Variants in ZNF804A observed in about 807,000 individuals in gnomAD.
ZNF804A encodes zinc finger protein 804A.
In ZNF804A, 2 loss-of-function variants were observed where a neutral mutation model predicts 16.5. The observed-to-expected ratio is 0.12, with a 90% CI of 0.05 to 0.38. ZNF804A has a LOEUF of 0.38. Ranked by LOEUF, ZNF804A falls within the 10% of genes least tolerant of loss-of-function variation. The probability of loss-of-function intolerance (pLI) is 0.99; values close to 1 mark genes in which losing one functional copy is unlikely to be tolerated. For missense variants in ZNF804A, 1,473 were observed against 1,390.7 expected (o/e 1.06, Z -0.94); for synonymous variants, 534 against 489.6 (o/e 1.09, Z -1.20).
chr2:184,915,071 T>C (rs986549427), intron 2 of ZNF804A, among the ~76,000 whole-genome samples: 1 of 151,876 alleles, frequency 6.6e-6, no homozygotes, highest in Non-Finnish European at 1.5e-5. Context: ...TATTTCAAAT[T>C]TAAATTTAAG....
At chr2:184,844,946 T>C (rs1308562862) in intron 1 of ZNF804A, among the ~76,000 whole-genome samples, 1 of 152,034 alleles carries the variant, frequency 6.6e-6, no homozygotes, top group Non-Finnish European at 1.5e-5. Flanking sequence ...CCTTCCTTTT[T>C]AGTTTTTCTT....
chr2:184,896,665 C>G (rs1345282540), intron 2 of ZNF804A, among the ~76,000 whole-genome samples: 1 of 152,068 alleles, frequency 6.6e-6, no homozygotes, highest in Non-Finnish European at 1.5e-5. Context: ...CACCATTGGT[C>G]AATATGGCAG....
chr2:184,609,612 G>A (rs1691205555), intron 1 of ZNF804A, among the ~76,000 whole-genome samples: 1 of 152,194 alleles, frequency 6.6e-6, no homozygotes, highest in Admixed American at 6.5e-5. Context: ...ATCTGGCGAG[G>A]ACCTGCTTCC....
At chr2:184,752,311 A>G (rs376301256) in intron 1 of ZNF804A, among the ~76,000 whole-genome samples, 1 of 151,716 alleles carries the variant, frequency 6.6e-6, no homozygotes, top group Admixed American at 6.6e-5. Flanking sequence ...AAAAATAATA[A>G]AATTATGTTC....
intron 1 of ZNF804A, among the ~76,000 whole-genome samples, chr2:184,725,867 T>C (rs1014136642): frequency 6.6e-6 from 1 of 151,690 alleles, no homozygotes; most frequent in African/African-American, 2.4e-5. Flanking sequence ...AATTTGTTAT[T>C]CCAAGAAATC....
At chr2:184,600,911 TA>T (rs1221246748) in intron 1 of ZNF804A, among the ~76,000 whole-genome samples, 6 of 152,274 alleles carry the variant, frequency 3.9e-5, no homozygotes, top group African/African-American at 1.4e-4. Context: ...AATTGGGTTC[TA>T]AAAAACAGCT....
chr2:184,790,772 T>G (rs1308223203), intron 1 of ZNF804A, among the ~76,000 whole-genome samples: 1 of 151,776 alleles, frequency 6.6e-6, no homozygotes, highest in Non-Finnish European at 1.5e-5. Flanking sequence ...CCCGGCTAAT[T>G]TTTTGTATTT....
intron 2 of ZNF804A, among the ~76,000 whole-genome samples, chr2:184,928,412 C>T (rs1574274649): frequency 6.6e-6 from 1 of 152,082 alleles, no homozygotes; most frequent in South Asian, 2.1e-4. Context: ...CCTCCCCTAT[C>T]TCTCTTCAAG....
intron 1 of ZNF804A, among the ~76,000 whole-genome samples, chr2:184,761,254 G>T (rs938190440): frequency 6.6e-6 from 1 of 152,100 alleles, no homozygotes; most frequent in Non-Finnish European, 1.5e-5. Flanking sequence ...GCACAGTTGG[G>T]ATATTTTCAG....
chr2:184,726,024 C>T (rs964886418), intron 1 of ZNF804A, among the ~76,000 whole-genome samples: 3 of 151,688 alleles, frequency 2.0e-5, no homozygotes, highest in African/African-American at 7.2e-5. Flanking sequence ...TTTGCTTAAA[C>T]ATTCACCCAC....
rs149506571 is a variant in ZNF804A, at chr2:184,633,628, T to A, written c.111+34558T>A. On this transcript the variant is annotated intron_variant, in intron 1 of 3. Coordinates refer to ENST00000302277, the MANE Select transcript of ZNF804A (RefSeq NM_194250.2). Reference sequence around the variant, plus strand: ...TAAGGATAAAAAGTTCCACTTAACATCCTGATAAAATATTTGAAATCCAAC... The same window carrying A: ...TAAGGATAAAAAGTTCCACTTAACAACCTGATAAAATATTTGAAATCCAAC... 4.4e-4 allele frequency among the ~76,000 whole-genome samples: 67 copies of A among 152,278 alleles called. No individual in the cohort carries two copies. In the East Asian group the frequency reaches 0.012, roughly 28 times the overall value.
chr2:184,864,735 A>G (rs1344491582), intron 1 of ZNF804A, among the ~76,000 whole-genome samples: 1 of 152,168 alleles, frequency 6.6e-6, no homozygotes, highest in African/African-American at 2.4e-5. Context: ...CTTTAATTTC[A>G]GACTATAAGT....
At position 184,763,474 on chromosome 2, in the gene ZNF804A, T is replaced by C. The variant is rs144208879; in HGVS notation, c.112-102895T>C. Among the ~76,000 whole-genome samples the C allele has an allele frequency of 1.2e-4, 19 of 152,110 alleles. 1 individual carries two copies. The East Asian group carries it at 3.7e-3, about 29-fold the overall frequency. ...TTTAAATATTACTACTAAGACTTCC[T>C]GCCTTCATATTCTTTCCAAACCATC... On this transcript the variant is annotated intron_variant, in intron 1 of 3. Coordinates refer to ENST00000302277, the MANE Select transcript of ZNF804A (RefSeq NM_194250.2).
chr2:184,610,693 G>A (rs748662641), intron 1 of ZNF804A, among the ~76,000 whole-genome samples: 1 of 151,956 alleles, frequency 6.6e-6, no homozygotes, highest in East Asian at 1.9e-4. Context: ...ACCACTCCCT[G>A]GTGAAGACAG....
intron 1 of ZNF804A, among the ~76,000 whole-genome samples, chr2:184,607,751 A>T (rs1420523606): frequency 6.6e-6 from 1 of 152,156 alleles, no homozygotes; most frequent in Non-Finnish European, 1.5e-5. Context: ...TGAGATATAT[A>T]AAATGAAGGA....
intron 2 of ZNF804A, among the ~76,000 whole-genome samples, chr2:184,910,877 C>T (rs1055372466): frequency 2.0e-5 from 3 of 151,906 alleles, no homozygotes; most frequent in South Asian, 4.1e-4. Context: ...TGATATTAGA[C>T]CTTTATCAGA....
intron 1 of ZNF804A, among the ~76,000 whole-genome samples, chr2:184,803,605 T>C (rs959867682): frequency 1.3e-5 from 2 of 152,176 alleles, no homozygotes; most frequent in African/African-American, 4.8e-5. Context: ...GAAACATTTA[T>C]TTACAGATTG....
At chr2:184,829,588 A>G (rs1695225664) in intron 1 of ZNF804A, among the ~76,000 whole-genome samples, 1 of 152,032 alleles carries the variant, frequency 6.6e-6, no homozygotes, top group Admixed American at 6.6e-5. Context: ...CTTACGGGCA[A>G]AAGAAAATCT....
intron 2 of ZNF804A, among the ~76,000 whole-genome samples, chr2:184,875,863 C>T (rs568865157): frequency 4.0e-5 from 6 of 151,758 alleles, no homozygotes; most frequent in East Asian, 3.9e-4. Flanking sequence ...GCCACAGTTG[C>T]GTCTGTCCTC....
Sources: allele counts gnomAD v4.1 joint callset (sites outside exome capture counted in the v4.1 genomes callset), GRCh38; gene constraint gnomAD v4.1.1; transcripts MANE v1.5; gene names NCBI Gene and HGNC (gene_info 2026-07-23, HGNC 2026-07-21).